The following LBR variants were observed in gnomAD, a reference collection of about 807,000 sequenced individuals.
The protein encoded by LBR is delta(14)-sterol reductase LBR.
In LBR, 28 loss-of-function variants were observed where a neutral mutation model predicts 74.3. The ratio of observed to expected loss-of-function variants is 0.38; its 90% CI spans 0.28 to 0.52. LBR has a LOEUF of 0.52. Ranked by LOEUF, LBR falls within the 20% of genes least tolerant of loss-of-function variation. LBR has a pLI of 0.89. For missense variants in LBR, 717 were observed against 760.3 expected (o/e 0.94, Z 0.67); for synonymous variants, 228 against 269.3 (o/e 0.85, Z 1.50).
chr1:225,421,269 G>A (rs897802509), intron 3 of LBR, among the ~76,000 whole-genome samples: 1 of 152,248 alleles, frequency 6.6e-6, no homozygotes, highest in Non-Finnish European at 1.5e-5. Flanking sequence ...CGAGGCGGGT[G>A]GATCACGAGG....
rs1217973085 is a variant in LBR at position 225,418,084 on chromosome 1, G to T, written c.737C>A (p.Pro246His). Residue 246 changes from proline to histidine, a missense_variant, in exon 6 of 14, where the codon CCT becomes CAT. Physicochemically the swap from Pro to His is moderately conservative, Grantham distance 77. Transcript: ENST00000272163. ...KDPSLLNFPP[P>H]LPALYELWET... ...CCATAACTCATACAAAGCTGGCAAA[G>T]GAGGAGGGAAATTCAGAAGACTGGG... 6.2e-7 allele frequency: 1 copy of T among 1,614,082 alleles called. No individual in the cohort carries two copies. The highest frequency in any genetic ancestry group is 8.5e-7 in the Non-Finnish European group (1 of 1,180,036).
At chr1:225,411,498 C>T in intron 8 of LBR, 58 bp from the exon 9 acceptor site, 2 of 1,243,442 alleles carry the variant, frequency 1.6e-6, no homozygotes, top group South Asian at 1.2e-5. Flanking sequence ...GGAGGCTTTA[C>T]AACGGCACTG....
At chr1:225,406,161 G>C (rs532552713) in intron 11 of LBR, among the ~76,000 whole-genome samples, 1 of 151,848 alleles carries the variant, frequency 6.6e-6, no homozygotes, top group South Asian at 2.1e-4. Context: ...AACTCCAATC[G>C]AACACCATAT....
intron 9 of LBR, among the ~76,000 whole-genome samples, chr1:225,411,124 A>C (rs2096104329): frequency 6.6e-6 from 1 of 152,252 alleles, no homozygotes; most frequent in South Asian, 2.1e-4. Flanking sequence ...AAATAAAGCA[A>C]AGAAAAGTTA....
At chr1:225,416,880 T>C (rs2150953773) in intron 6 of LBR, among the ~76,000 whole-genome samples, 1 of 152,308 alleles carries the variant, frequency 6.6e-6, no homozygotes, top group South Asian at 2.1e-4. Context: ...ACAGGTTATA[T>C]GCAAATACTA....
rs2096084199 is a variant in LBR, at chr1:225,402,995, T to C, written c.*308A>G. ...AGTAATCAGAAACCATAAACATCAA[T>C]AGCATTCTTCACAGTACATTTATAT... is the stretch of plus-strand genomic sequence containing the variant. On this transcript the variant is annotated 3_prime_UTR_variant, in exon 14 of 14. Coordinates refer to ENST00000272163, the MANE Select transcript of LBR (RefSeq NM_002296.4). The C allele has an allele frequency of 1.0e-5, 3 of 293,392 alleles. No individual in the cohort carries two copies. Among genetic ancestry groups the C allele is most frequent in the East Asian group, 7.4e-5 (1 of 13,582 alleles). 18.2% of individuals were successfully genotyped at this position (293,392 alleles called of 1,614,324 possible). A position where few individuals can be genotyped will look rare whatever the true frequency, so the allele number is the denominator to read the frequency against.
chr1:225,407,732 G>A (rs892203403), intron 10 of LBR, among the ~76,000 whole-genome samples: 2 of 152,090 alleles, frequency 1.3e-5, no homozygotes, highest in Non-Finnish European at 2.9e-5. Flanking sequence ...AAAGTTCTAG[G>A]TTAAAGAAAA....
chr1:225,411,702 C>T (rs1395225750), intron 8 of LBR, among the ~76,000 whole-genome samples: 3 of 152,154 alleles, frequency 2.0e-5, no homozygotes, highest in Non-Finnish European at 4.4e-5. Context: ...TCATGGGGGC[C>T]CCCCCAAAGG....
chr1:225,424,139 T>A, intron 1 of LBR, 50 bp from the exon 2 acceptor site: 1 of 1,376,672 alleles, frequency 7.3e-7, no homozygotes, highest in Non-Finnish European at 1.0e-6. Context: ...CACATTTATG[T>A]ATTCGTCTTT....
rs943925295 is a variant in LBR, at chr1:225,421,255, A to T, written c.366+822T>A. Among the ~76,000 whole-genome samples the T allele has an allele frequency of 3.9e-5, 6 of 152,244 alleles. No individual in the cohort carries two copies. The South Asian group carries it at 1.0e-3, about 26-fold the overall frequency. ...ACGCCTGTAATCCCAGCACTTTGGG[A>T]GGCCGAGGCGGGTGGATCACGAGGT... On this transcript the variant is annotated intron_variant, in intron 3 of 13. Coordinates refer to ENST00000272163, the MANE Select transcript of LBR (RefSeq NM_002296.4).
chr1:225,416,943 G>A (rs963760464), intron 6 of LBR, among the ~76,000 whole-genome samples: 5 of 152,082 alleles, frequency 3.3e-5, no homozygotes, highest in Non-Finnish European at 7.4e-5. Flanking sequence ...ATGTACAGGA[G>A]GTCCTGGAAC....
At position 225,419,358 on chromosome 1, in the gene LBR, G is replaced by A. The variant is rs370431555; in HGVS notation, c.545C>T (p.Ser182Phe). 6.7e-5 allele frequency: 108 copies of A among 1,613,972 alleles called. No individual in the cohort carries two copies. Among genetic ancestry groups the A allele is most frequent in the Non-Finnish European group, 9.0e-5 (106 of 1,179,966 alleles). ...TTTTGCAACGTATTTTTCTTCCTTA[G>A]AATCTATTTCTTTTAATTTGACTTC... ...REEVKLKEID[S>F]KEEKYVAKEL... The change falls in exon 5 of 14, where the codon TCT becomes TTT. Residue 182 changes from serine to phenylalanine, a missense_variant. Physicochemically the swap from Ser to Phe is radical, Grantham distance 155 (BLOSUM62 -2). Transcript: ENST00000272163.
chr1:225,418,498 A>C (rs182457424), intron 5 of LBR, among the ~76,000 whole-genome samples: 2 of 152,340 alleles, frequency 1.3e-5, no homozygotes, highest in East Asian at 3.9e-4. Context: ...GAATGTGTTG[A>C]AACTCCAGCA....
Position 225,403,191 on chromosome 1 carries a change from A to C in LBR, c.*112T>G. The C allele has an allele frequency of 9.6e-7, 1 of 1,037,020 alleles. No homozygotes were observed. Among genetic ancestry groups the C allele is most frequent in the Non-Finnish European group, 1.5e-6 (1 of 671,226 alleles). The allele number at this position is 1,037,020 out of a possible 1,614,324, so 64.2% of individuals were successfully genotyped here. ...CATAGTCCTGACTCAAAAAGAAAAAAAAAAGTACAGACCCTGTCAGTGCAA... is the reference window on the plus strand; with the variant it reads ...CATAGTCCTGACTCAAAAAGAAAAACAAAAGTACAGACCCTGTCAGTGCAA... On this transcript the variant is annotated 3_prime_UTR_variant, in exon 14 of 14. Coordinates refer to ENST00000272163, the MANE Select transcript of LBR (RefSeq NM_002296.4).
chr1:225,406,806 G>A lies in LBR; in HGVS notation c.1341C>T (p.Ile447=). 1 of 1,614,186 alleles carries A rather than the reference G, an allele frequency of 6.2e-7. No individual in the cohort carries two copies. Among genetic ancestry groups the A allele is most frequent in the Non-Finnish European group, 8.5e-7 (1 of 1,180,026 alleles). The change falls in exon 11 of 14, where the codon ATC becomes ATT. Residue 447 remains isoleucine (I), a synonymous_variant. Transcript: ENST00000272163. ...GCATGAATCCAAATCCATCGTGGAT[G>A]ATGTCCATGGTCGTCAACAACGCTT... The part of the protein sequence containing the change: ...NEEALLTTMD[I]IHDGFGFMLA...
chr1:225,419,306 C>A lies in LBR; in HGVS notation c.597G>T (p.Val199=), dbSNP rs2150955783. The change falls in exon 5 of 14, where the codon GTG becomes GTT. Residue 199 remains valine, a synonymous_variant. Transcript: ENST00000272163. ...CCAAGTCCTTTGCCCGGATGGGGGT[C>A]ACTTCAAAGGTTCTCACTGCCAGTT... ...AKELAVRTFE[V]TPIRAKDLEF... 6.2e-7 allele frequency: 1 copy of A among 1,614,214 alleles called. No homozygotes were observed. Among genetic ancestry groups the A allele is most frequent in the East Asian group, 2.2e-5 (1 of 44,874 alleles).
At chr1:225,417,885 C>T (rs997413363) in intron 6 of LBR, 99 bp downstream of exon 6, 19 of 1,080,852 alleles carry the variant, frequency 1.8e-5, no homozygotes, top group African/African-American at 9.4e-5. Flanking sequence ...CAGGAGGCTG[C>T]GGCAAGAGGA....
rs144643273 is a variant in LBR, at chr1:225,413,960, T to C, written c.893-1315A>G. The C allele has an allele frequency of 3.0e-4, 135 of 456,772 alleles. No individual in the cohort carries two copies. The Middle Eastern group carries it at 4.2e-3, about 14-fold the overall frequency. The allele number at this position is 456,772 out of a possible 1,614,324, so 28.3% of individuals were successfully genotyped here. A position where few individuals can be genotyped will look rare whatever the true frequency, so the allele number is the denominator to read the frequency against. Reference sequence around the variant, plus strand: ...TAACACAAGACTACTTAGAAAAGAATTGGTACCTACAGAGAAACACACAAA... The same window carrying C: ...TAACACAAGACTACTTAGAAAAGAACTGGTACCTACAGAGAAACACACAAA... On this transcript the variant is annotated intron_variant, in intron 7 of 13. Coordinates refer to ENST00000272163, the MANE Select transcript of LBR (RefSeq NM_002296.4).
intron 1 of LBR, among the ~76,000 whole-genome samples, chr1:225,424,635 T>C (rs2096135707): frequency 6.6e-6 from 1 of 152,172 alleles, no homozygotes; most frequent in Admixed American, 6.5e-5. Flanking sequence ...ACAGCTAAAG[T>C]ACAAATGCAT....
Sources: gnomAD v4.1 joint callset for allele counts (sites outside exome capture counted in the v4.1 genomes callset) on GRCh38, gnomAD v4.1.1 for gene constraint, MANE v1.5 for transcripts, NCBI Gene and HGNC (gene_info 2026-07-23, HGNC 2026-07-21) for gene names.